DENND1B: variants seen among roughly 807,000 people sequenced by gnomAD.
DENND1B encodes the protein DENN domain-containing protein 1B.
Under a neutral mutation model 90.1 loss-of-function variants are expected in DENND1B, and 59 were observed. The ratio of observed to expected loss-of-function variants is 0.65; its 90% CI spans 0.53 to 0.81. DENND1B has a LOEUF of 0.81. Among genes scored for constraint, DENND1B ranks in the 40% least tolerant of loss-of-function variants. The pLI, the probability that DENND1B is intolerant of heterozygous loss-of-function variation, is 0.00. For missense variants in DENND1B, 862 were observed against 912.6 expected, an observed-to-expected ratio of 0.94 and a Z score of 0.71; for synonymous variants, 337 against 324.6, an observed-to-expected ratio of 1.04 and a Z score of -0.41.
rs1286454153 is a variant in DENND1B, at chr1:197,553,311, T to C, written c.1150-199A>G. Among the ~76,000 whole-genome samples, 3 of 152,162 alleles carry C rather than the reference T, an allele frequency of 2.0e-5. 1 individual carries two copies. The highest frequency in any genetic ancestry group is 4.1e-4 in the South Asian group (2 of 4,832). Reference sequence around the variant, plus strand: ...AACAATGGAAAGAACAGGTGCTCAGTAGACAGCAGCTAATTAATTAAATTG... The same window carrying C: ...AACAATGGAAAGAACAGGTGCTCAGCAGACAGCAGCTAATTAATTAAATTG... On this transcript the variant is annotated intron_variant, in intron 15 of 22. Coordinates refer to ENST00000620048, the MANE Select transcript of DENND1B (RefSeq NM_001195215.2).
intron 2 of DENND1B, among the ~76,000 whole-genome samples, chr1:197,726,537 A>G (rs571051382): frequency 6.6e-6 from 1 of 152,244 alleles, no homozygotes; most frequent in Non-Finnish European, 1.5e-5. Flanking sequence ...AGTCAGAAGC[A>G]TAATCCTAGG....
intron 3 of DENND1B, among the ~76,000 whole-genome samples, chr1:197,675,503 A>G (rs1655967712): frequency 6.6e-6 from 1 of 151,760 alleles, no homozygotes; most frequent in Non-Finnish European, 1.5e-5. Context: ...ATAATCATGT[A>G]CCTTTAAAAA....
At chr1:197,672,562 C>A (rs1472405612) in intron 4 of DENND1B, among the ~76,000 whole-genome samples, 3 of 151,986 alleles carry the variant, frequency 2.0e-5, no homozygotes, top group Non-Finnish European at 4.4e-5. Flanking sequence ...GCTTAGATAG[C>A]AAATCATGTC....
At chr1:197,516,130 G>A (rs1338776640) in intron 20 of DENND1B, among the ~76,000 whole-genome samples, 1 of 151,784 alleles carries the variant, frequency 6.6e-6, no homozygotes, top group Non-Finnish European at 1.5e-5. Context: ...TATATCTTAT[G>A]ATAAGTTTTA....
chr1:197,768,861 T>C (rs1257651154), intron 2 of DENND1B, among the ~76,000 whole-genome samples: 1 of 147,076 alleles, frequency 6.8e-6, no homozygotes, highest in South Asian at 2.1e-4. Context: ...TGTGTTGTTC[T>C]CAAAAAAAAA....
chr1:197,552,362 C>T, intron 16 of DENND1B: 1 of 985,444 alleles, frequency 1.0e-6, no homozygotes, highest in East Asian at 1.1e-4. Context: ...TTCAAGGACT[C>T]AAGCAAAATG....
At chr1:197,691,176 A>G (rs1001936206) in intron 3 of DENND1B, among the ~76,000 whole-genome samples, 1 of 151,930 alleles carries the variant, frequency 6.6e-6, no homozygotes, top group African/African-American at 2.4e-5. Context: ...GGCAACCTAT[A>G]ACATCTAAGA....
intron 7 of DENND1B, among the ~76,000 whole-genome samples, chr1:197,647,687 G>A (rs1338511755): frequency 6.6e-6 from 1 of 152,060 alleles, no homozygotes; most frequent in African/African-American, 2.4e-5. Context: ...AGTGGCTCAC[G>A]CCTGTAATCC....
chr1:197,681,877 G>A (rs1240198603), intron 3 of DENND1B, among the ~76,000 whole-genome samples: 2 of 152,082 alleles, frequency 1.3e-5, no homozygotes, highest in East Asian at 3.8e-4. Context: ...CCATATATTA[G>A]AAAACTGATT....
intron 3 of DENND1B, chr1:197,689,163 G>T (rs901861918): frequency 2.6e-5 from 4 of 152,462 alleles, no homozygotes; most frequent in African/African-American, 9.7e-5. Context: ...AGGTTTAATG[G>T]ACTCACAGTC....
intron 2 of DENND1B, among the ~76,000 whole-genome samples, chr1:197,764,432 A>G (rs1655454193): frequency 6.6e-6 from 1 of 152,260 alleles, no homozygotes; most frequent in African/African-American, 2.4e-5. Context: ...TGTAACCATG[A>G]CATTATAGCT....
chr1:197,673,752 GAGAT>G (rs1393809743), intron 4 of DENND1B, among the ~76,000 whole-genome samples: 2 of 152,048 alleles, frequency 1.3e-5, no homozygotes, highest in Non-Finnish European at 2.9e-5. Flanking sequence ...AGGATGAAGT[GAGAT>G]AGAAACCAGG....
At chr1:197,777,202 C>A (rs1657313807), upstream of DENND1B, among the ~76,000 whole-genome samples, 1 of 152,024 alleles carries the variant, frequency 6.6e-6, no homozygotes, top group South Asian at 2.1e-4. Flanking sequence ...AGAAAGGAAC[C>A]CTACTTGGGG....
rs560159689 is a variant in DENND1B at position 197,538,805 on chromosome 1, T to C, written c.1515+1159A>G. ...AAATTTAATTGCCATTGTAATGGTA[T>C]TAAGAAGTGGGACTTTTAAGAGGTG... On this transcript the variant is annotated intron_variant, in intron 20 of 22. Transcript: ENST00000620048. 2.0e-5 allele frequency among the ~76,000 whole-genome samples: 3 copies of C among 152,088 alleles called. No individual in the cohort carries two copies. The South Asian group carries it at 6.2e-4, about 32-fold the overall frequency.
chr1:197,727,978 GA>G (rs919828292), intron 2 of DENND1B, among the ~76,000 whole-genome samples: 1,457 of 144,278 alleles, frequency 0.01, 13 homozygotes, highest in East Asian at 0.026. Context: ...GAAGAGCTGT[GA>G]AAAAAAAAAA....
chr1:197,656,988 T>A (rs74559913), intron 6 of DENND1B, among the ~76,000 whole-genome samples: 1 of 152,082 alleles, frequency 6.6e-6, no homozygotes, highest in African/African-American at 2.4e-5. Flanking sequence ...AAGAAAGCTT[T>A]GAAAGACTGG....
Position 197,645,689 on chromosome 1 carries a change from C to T in DENND1B, c.561+1G>A. 1 of 1,532,022 alleles carries T rather than the reference C, an allele frequency of 6.5e-7. No individual in the cohort carries two copies. Among genetic ancestry groups the T allele is most frequent in the Non-Finnish European group, 8.8e-7 (1 of 1,137,736 alleles). The allele number at this position is 1,532,022 out of a possible 1,614,324, so 94.9% of individuals were successfully genotyped here. The stretch of plus-strand genomic sequence containing the variant: ...ATTAAAGTAGAAAATAGGAAACTTA[C>T]ACTCTCGGGTATTGTTGGGAGTCCA... On this transcript the variant is annotated splice_donor_variant, in intron 9 of 22. Transcript: ENST00000620048. LOFTEE classifies it high-confidence loss of function.
chr1:197,619,692 G>A (rs931351114), intron 10 of DENND1B, among the ~76,000 whole-genome samples: 1 of 151,120 alleles, frequency 6.6e-6, no homozygotes, highest in East Asian at 2.0e-4. Context: ...TCTACTAAAT[G>A]CCATGTAAAT....
intron 21 of DENND1B, among the ~76,000 whole-genome samples, chr1:197,512,437 TATTAAA>T (rs1332826055): frequency 6.6e-6 from 1 of 151,774 alleles, no homozygotes; most frequent in East Asian, 1.9e-4. Context: ...ATTTCCCTTA[TATTAAA>T]ATTAATTTTT....
Sources: allele counts gnomAD v4.1 joint callset (sites outside exome capture counted in the v4.1 genomes callset), GRCh38; gene constraint gnomAD v4.1.1; transcripts MANE v1.5; gene names NCBI Gene and HGNC (gene_info 2026-07-23, HGNC 2026-07-21).